TBC1D15: variants seen among roughly 807,000 people sequenced by gnomAD.
TBC1D15 encodes GAP for RAB7.
In TBC1D15, 39 loss-of-function variants were observed where a neutral mutation model predicts 95.4. The ratio of observed to expected loss-of-function variants is 0.41; its 90% CI spans 0.32 to 0.53. The LOEUF (loss-of-function observed/expected upper bound fraction) is 0.53. Ranked by LOEUF, TBC1D15 falls within the 20% of genes least tolerant of loss-of-function variation. The pLI, the probability that TBC1D15 is intolerant of heterozygous loss-of-function variation, is 0.29. For missense variants in TBC1D15, 733 were observed against 794.3 expected, an observed-to-expected ratio of 0.92 and a Z score of 0.93; for synonymous variants, 258 against 261.3, an observed-to-expected ratio of 0.99 and a Z score of 0.12.
chr12:71,864,468 CT>C (rs1321530656), intron 1 of TBC1D15, among the ~76,000 whole-genome samples: 1 of 151,192 alleles, frequency 6.6e-6, no homozygotes, highest in Non-Finnish European at 1.5e-5. Flanking sequence ...TAGAGAATGA[CT>C]TTCACCTGCA....
intron 11 of TBC1D15, among the ~76,000 whole-genome samples, chr12:71,908,515 C>G (rs1170967740): frequency 6.6e-6 from 1 of 152,112 alleles, no homozygotes. Flanking sequence ...CTTCACTGTT[C>G]ATAAATATGT....
At chr12:71,841,522 G>C (rs1221738138) in intron 1 of TBC1D15, among the ~76,000 whole-genome samples, 1 of 152,118 alleles carries the variant, frequency 6.6e-6, no homozygotes, top group Non-Finnish European at 1.5e-5. Context: ...TTCAGATCTG[G>C]TTTAATGGCA....
In TBC1D15 at chr12:71,884,999, G is replaced by A. The variant is rs373705972; in HGVS notation, c.532G>A (p.Glu178Lys). The change falls in exon 5 of 17, where the codon GAA (glutamate) becomes AAA (lysine). Residue 178 changes from glutamate to lysine, a missense_variant. Coordinates refer to ENST00000485960, the MANE Select transcript of TBC1D15 (RefSeq NM_001146213.3). ...TAGCAAACTACTGATTGAATCTCTT[G>A]AAAAATATGTGGTATTGTGTGAGTA... ...GDSKLLIESL[E>K]KYVVLCESPQ... The A allele has an allele frequency of 1.2e-5, 19 of 1,613,690 alleles. No homozygotes were observed. The highest frequency in any genetic ancestry group is 1.5e-5 in the Non-Finnish European group (18 of 1,179,774).
At chr12:71,847,621 G>A (rs776335301) in intron 1 of TBC1D15, among the ~76,000 whole-genome samples, 8 of 151,450 alleles carry the variant, frequency 5.3e-5, no homozygotes, top group Non-Finnish European at 1.2e-4. Flanking sequence ...CTTGAACATG[G>A]GAGGCAGAGG....
rs759481642 is a variant in TBC1D15 at position 71,918,528 on chromosome 12, G to C, written c.1579G>C (p.Asp527His). 1.9e-6 allele frequency: 3 copies of C among 1,597,146 alleles called. No individual in the cohort carries two copies. In the African/African-American group the frequency reaches 4.1e-5, roughly 22 times the overall value. ...ATTCAAAAGGGAATTTAGTTTTCTA[G>C]ATATTCTTCGATTATGGGAGGTAAG... ...IRFKREFSFLDILRLWEVMWT... is the reference protein window; with the variant it reads ...IRFKREFSFLHILRLWEVMWT... The change falls in exon 14 of 17, where the codon GAT becomes CAT. Residue 527 changes from aspartate to histidine, a missense_variant. Physicochemically the swap from Asp to His is moderately conservative, Grantham distance 81 (BLOSUM62 -1). Coordinates refer to ENST00000485960, the MANE Select transcript of TBC1D15 (RefSeq NM_001146213.3).
intron 1 of TBC1D15, chr12:71,850,089 T>A: frequency 1.9e-6 from 1 of 518,264 alleles, no homozygotes; most frequent in East Asian, 4.6e-5. Flanking sequence ...TATGATAATC[T>A]AATATCAGAA....
intron 1 of TBC1D15, among the ~76,000 whole-genome samples, chr12:71,869,894 C>T (rs896624649): frequency 5.3e-4 from 81 of 152,062 alleles, no homozygotes; most frequent in African/African-American, 1.8e-3. Flanking sequence ...ACTATATTTT[C>T]GCTTTGAAAT....
At chr12:71,902,094 CACAA>C (rs1361686186) in intron 10 of TBC1D15, among the ~76,000 whole-genome samples, 1 of 152,122 alleles carries the variant, frequency 6.6e-6, no homozygotes, top group Non-Finnish European at 1.5e-5. Context: ...TCAGAGATAA[CACAA>C]ACAAATAGAA....
chr12:71,868,234 C>G lies in TBC1D15; in HGVS notation c.31-3836C>G, dbSNP rs536422795. 3.6e-3 allele frequency among the ~76,000 whole-genome samples: 524 copies of G among 147,238 alleles called. 2 individuals are homozygous for G. Among genetic ancestry groups the G allele is most frequent in the Admixed American group, 0.012 (182 of 14,772 alleles). On this transcript the variant is annotated intron_variant, in intron 1 of 16. Transcript: ENST00000485960. ...AACACAGAATACAGAATGAGTGCAG[C>G]TTTGACTTTTTTTTTTTTTTTTTTT... is the stretch of plus-strand genomic sequence containing the variant.
chr12:71,905,275 T>G (rs1900412592), intron 10 of TBC1D15, among the ~76,000 whole-genome samples: 1 of 152,212 alleles, frequency 6.6e-6, no homozygotes, highest in Admixed American at 6.5e-5. Context: ...CTTGAGTTAA[T>G]AAAAATTAAC....
chr12:71,853,875 G>T (rs1432841841), intron 1 of TBC1D15, among the ~76,000 whole-genome samples: 1 of 152,198 alleles, frequency 6.6e-6, no homozygotes, highest in Admixed American at 6.5e-5. Flanking sequence ...GGTGCAAACA[G>T]TTATGTGAGC....
intron 10 of TBC1D15, among the ~76,000 whole-genome samples, chr12:71,901,627 A>G (rs1019732396): frequency 3.3e-5 from 5 of 152,200 alleles, no homozygotes; most frequent in African/African-American, 7.2e-5. Flanking sequence ...AATAAGAGCC[A>G]TCTATCACAG....
At chr12:71,864,632 G>GGGTA (rs907533216) in intron 1 of TBC1D15, among the ~76,000 whole-genome samples, 2 of 151,832 alleles carry the variant, frequency 1.3e-5, no homozygotes, top group Non-Finnish European at 1.5e-5. Context: ...TCAGCCTCCC[G>GGGTA]GGTAGCTGGG....
rs549475129 is a variant in TBC1D15, at chr12:71,843,576, G to A, written c.30+3765G>A. The stretch of plus-strand genomic sequence containing the variant: ...TCTGGCATTCTTTAGTTCAACAAAC[G>A]TTTTAGTACCTCCTATGTGCTGAGT... On this transcript the variant is annotated intron_variant, in intron 1 of 16. Transcript: ENST00000485960. 1.4e-4 allele frequency among the ~76,000 whole-genome samples: 22 copies of A among 152,166 alleles called. 1 individual carries two copies. The South Asian group carries it at 4.6e-3, about 32-fold the overall frequency.
Position 71,899,011 on chromosome 12 carries a change from T to G in TBC1D15, c.1183+1070T>G, listed in dbSNP as rs115657794. On this transcript the variant is annotated intron_variant, in intron 10 of 16. Transcript: ENST00000485960. ...TCTAAAGTTTCTAACTGAAGCTTCT[T>G]GATATTTTCAGTTTCAGTAGGAAAA... 5.6e-3 allele frequency among the ~76,000 whole-genome samples: 848 copies of G among 152,322 alleles called. 8 individuals are homozygous for G. Among genetic ancestry groups the G allele is most frequent in the African/African-American group, 0.02 (814 of 41,584 alleles).
chr12:71,840,778 G>A (rs1286323108), intron 1 of TBC1D15, among the ~76,000 whole-genome samples: 2 of 152,162 alleles, frequency 1.3e-5, no homozygotes, highest in Non-Finnish European at 2.9e-5. Context: ...ATTTGACAGC[G>A]TTTGTGGTTT....
Position 71,873,633 on chromosome 12 carries a change from G to C in TBC1D15, c.204+630G>C, listed in dbSNP as rs148620763. Among the ~76,000 whole-genome samples the C allele has an allele frequency of 5.0e-3, 759 of 152,230 alleles. 6 individuals carry two copies. The highest frequency in any genetic ancestry group is 0.017 in the African/African-American group (706 of 41,530). Reference sequence around the variant, plus strand: ...TTTATAATTGTGTGTTTAACATTTGGGGGAACTGCCACACTTTTTCAGAGC... The same window carrying C: ...TTTATAATTGTGTGTTTAACATTTGCGGGAACTGCCACACTTTTTCAGAGC... On this transcript the variant is annotated intron_variant, in intron 3 of 16. Transcript: ENST00000485960.
At chr12:71,893,042 A>T (rs1300310513) in intron 5 of TBC1D15, among the ~76,000 whole-genome samples, 180 bp from the exon 6 acceptor site, 1 of 150,502 alleles carries the variant, frequency 6.6e-6, no homozygotes, top group African/African-American at 2.4e-5. Flanking sequence ...TTTATGTTTC[A>T]TGTAGTTTTG....
chr12:71,913,852 C>T lies in TBC1D15; in HGVS notation c.1327C>T (p.Leu443Phe), dbSNP rs1903037963. The T allele has an allele frequency of 6.3e-7, 1 of 1,585,620 alleles. No homozygotes were observed. The highest frequency in any genetic ancestry group is 8.5e-7 in the Non-Finnish European group (1 of 1,171,398). ...ATATGTTCAAGGAATGAGTGATTTA[C>T]TTTCCCCTCTTTTATATGTGATGGA... The part of the protein sequence containing the change: ...LGYVQGMSDL[L>F]SPLLYVMENE... The change falls in exon 12 of 17, where the codon CTT (leucine) becomes TTT (phenylalanine). Residue 443 changes from leucine to phenylalanine, a missense_variant. By Grantham distance (22) the Leu-to-Phe change is conservative. Coordinates refer to ENST00000485960, the MANE Select transcript of TBC1D15 (RefSeq NM_001146213.3).
Sources: allele counts gnomAD v4.1 joint callset (sites outside exome capture counted in the v4.1 genomes callset), GRCh38; gene constraint gnomAD v4.1.1; transcripts MANE v1.5; gene names NCBI Gene and HGNC (gene_info 2026-07-23, HGNC 2026-07-21).